Variants in ARHGEF37 observed in about 807,000 individuals in gnomAD.
ARHGEF37 encodes the protein Rho guanine nucleotide exchange factor (GEF) 37.
Under a neutral mutation model 71.1 loss-of-function variants are expected in ARHGEF37, and 55 were observed. That is an observed-to-expected ratio of 0.77 (90% confidence interval 0.62 to 0.97). ARHGEF37 has a LOEUF of 0.97. ARHGEF37 is among the 50% of genes least tolerant of loss of function. ARHGEF37 has a pLI of 0.00. For missense variants in ARHGEF37, 765 were observed against 836.8 expected, an observed-to-expected ratio of 0.91 and a Z score of 1.06; for synonymous variants, 327 against 350.6, an observed-to-expected ratio of 0.93 and a Z score of 0.75.
At chr5:149,591,806 A>C (rs1343461236) in intron 1 of ARHGEF37, among the ~76,000 whole-genome samples, 1 of 152,204 alleles carries the variant, frequency 6.6e-6, no homozygotes, top group East Asian at 1.9e-4. Context: ...TTTTTGTATT[A>C]GATGATTTTG....
At chr5:149,555,801 G>A (rs1762746337) in intron 1 of ARHGEF37, among the ~76,000 whole-genome samples, 2 of 152,016 alleles carry the variant, frequency 1.3e-5, no homozygotes, top group South Asian at 2.1e-4. Flanking sequence ...TTCTGTGTTC[G>A]TAGGGAATTC....
chr5:149,626,887 C>T (rs181697420), intron 10 of ARHGEF37, 189 bp from the exon 11 acceptor site: 28 of 447,666 alleles, frequency 6.3e-5, no homozygotes, highest in African/African-American at 3.2e-4. Flanking sequence ...TCTTCCAAAA[C>T]GCCGTAGGCT....
At chr5:149,589,420 A>G (rs11167471) in intron 1 of ARHGEF37, among the ~76,000 whole-genome samples, 94,617 of 151,896 alleles carry the variant, frequency 0.62, 31,877 homozygotes, top group East Asian at 0.99. Context: ...CTCAACTTCC[A>G]GAGTTCAAGC....
intron 1 of ARHGEF37, among the ~76,000 whole-genome samples, chr5:149,594,650 G>A (rs939584739): frequency 6.6e-6 from 1 of 152,184 alleles, no homozygotes; most frequent in Non-Finnish European, 1.5e-5. Flanking sequence ...ATGAATAGGT[G>A]CTCATCTTGC....
At chr5:149,626,972 A>G in intron 10 of ARHGEF37, 104 bp from the exon 11 acceptor site, 2 of 1,260,004 alleles carry the variant, frequency 1.6e-6, no homozygotes, top group South Asian at 3.0e-5. Context: ...CAGAGTTAGG[A>G]TCAGGCCCAG....
At chr5:149,566,636 G>T (rs1364058508) in intron 1 of ARHGEF37, among the ~76,000 whole-genome samples, 1 of 151,842 alleles carries the variant, frequency 6.6e-6, no homozygotes, top group Non-Finnish European at 1.5e-5. Context: ...TATTAAGACA[G>T]GCTAGTTAAC....
At chr5:149,579,467 A>C (rs1416638220), upstream of ARHGEF37, among the ~76,000 whole-genome samples, 1 of 152,194 alleles carries the variant, frequency 6.6e-6, no homozygotes, top group African/African-American at 2.4e-5. Flanking sequence ...AGATCACCTC[A>C]ATCAGTTTTT....
At chr5:149,575,571 T>G (rs905263164) in intron 1 of ARHGEF37, among the ~76,000 whole-genome samples, 1 of 152,178 alleles carries the variant, frequency 6.6e-6, no homozygotes, top group African/African-American at 2.4e-5. Context: ...TTCAAGGGGC[T>G]TCCTCTCTTG....
intron 1 of ARHGEF37, among the ~76,000 whole-genome samples, chr5:149,587,403 A>G (rs186744142): frequency 3.3e-5 from 5 of 152,344 alleles, no homozygotes; most frequent in Admixed American, 2.6e-4. Context: ...AGCTACTATA[A>G]TTGAGAGTTT....
chr5:149,596,339 C>T (rs1421795697), intron 1 of ARHGEF37, among the ~76,000 whole-genome samples: 1 of 152,166 alleles, frequency 6.6e-6, no homozygotes, highest in Non-Finnish European at 1.5e-5. Flanking sequence ...GAGTCTTGCT[C>T]TGTCACCCAG....
upstream of ARHGEF37, among the ~76,000 whole-genome samples, chr5:149,577,760 C>T (rs2113255580): frequency 6.6e-6 from 1 of 152,308 alleles, no homozygotes; most frequent in Non-Finnish European, 1.5e-5. Context: ...TTCCTGGCTG[C>T]CCAGCCTTCA....
At chr5:149,626,211 C>T (rs9324622) in intron 10 of ARHGEF37, among the ~76,000 whole-genome samples, 108,143 of 150,024 alleles carry the variant, frequency 0.72, 39,310 homozygotes, top group Middle Eastern at 0.87. Context: ...CAGCACCTCC[C>T]CACAAGGAGT....
In ARHGEF37 at chr5:149,622,016, A is replaced by T. The variant is rs1308925865; in HGVS notation, c.1289A>T (p.Asp430Val). The T allele has an allele frequency of 5.0e-6, 8 of 1,613,972 alleles. No individual in the cohort carries two copies. The Middle Eastern group carries it at 4.9e-4, about 100-fold the overall frequency. The change falls in exon 9 of 13, where the codon GAC becomes GTC. Residue 430 changes from aspartate to valine, a missense_variant. By Grantham distance (152) the Asp-to-Val change is radical. Around this residue, in one of 5 missense-constraint regions of ARHGEF37, gnomAD observed 390 missense variants for 407.4 expected, o/e 0.96. Transcript: ENST00000333677. ...IMCTFVTLQR[D>V]LAKQVLQRAE... ...TGCACATTCGTGACCCTCCAGAGGG[A>T]CCTTGCAAAGCAAGTGCTGCAGAGG...
Position 149,621,968 on chromosome 5 carries a change from T to A in ARHGEF37, c.1241T>A (p.Met414Lys). The part of the protein sequence containing the change: ...AELPQFNQLV[M>K]QWLGQIMCTF... ...CTCCCACAGTTTAACCAGCTGGTCATGCAGTGGCTGGGCCAGATCATGTGC... is the reference window on the plus strand; with the variant it reads ...CTCCCACAGTTTAACCAGCTGGTCAAGCAGTGGCTGGGCCAGATCATGTGC... The change falls in exon 9 of 13, where the codon ATG becomes AAG. Residue 414 changes from methionine (M) to lysine (K), a missense_variant. By Grantham distance (95) the Met-to-Lys change is moderately conservative. This residue lies in a region of ARHGEF37 where 390 missense variants were observed against 407.4 expected (regional missense o/e 0.96). Coordinates refer to ENST00000333677, the MANE Select transcript of ARHGEF37 (RefSeq NM_001001669.3). 6.2e-7 allele frequency: 1 copy of A among 1,614,210 alleles called. No homozygotes were observed.
chr5:149,568,390 G>A (rs1209247474), intron 1 of ARHGEF37, among the ~76,000 whole-genome samples: 1 of 151,996 alleles, frequency 6.6e-6, no homozygotes, highest in East Asian at 1.9e-4. Context: ...CTGTACCTCC[G>A]AAAAAGCAAA....
At chr5:149,629,637 C>T (rs890846372) in intron 12 of ARHGEF37, among the ~76,000 whole-genome samples, 2 of 152,162 alleles carry the variant, frequency 1.3e-5, no homozygotes, top group African/African-American at 2.4e-5. Context: ...ACTGGAGTGT[C>T]GTGCTGCTGG....
chr5:149,564,542 C>T (rs1036708627), intron 1 of ARHGEF37, among the ~76,000 whole-genome samples: 3 of 152,094 alleles, frequency 2.0e-5, no homozygotes, highest in Admixed American at 2.0e-4. Flanking sequence ...CAGACATCCT[C>T]GGCCGGGCGC....
In ARHGEF37 at chr5:149,619,012, C is replaced by T; in HGVS notation, c.864C>T (p.Asn288=). 2 of 1,614,142 alleles carry T rather than the reference C, an allele frequency of 1.2e-6. No homozygotes were observed. The highest frequency in any genetic ancestry group is 1.7e-6 in the Non-Finnish European group (2 of 1,180,016). The change falls in exon 7 of 13, where the codon AAC becomes AAT. Residue 288 remains asparagine, a synonymous_variant. Coordinates refer to ENST00000333677, the MANE Select transcript of ARHGEF37 (RefSeq NM_001001669.3). ...WVSLCVTELK[N]NVAAYLDNLQ... is the part of the protein sequence containing the mutation. Reference sequence around the variant, plus strand: ...CTCTGTGTGTGACTGAGCTGAAGAACAACGTGGCTGCTTACCTGGACAATC... The same window carrying T: ...CTCTGTGTGTGACTGAGCTGAAGAATAACGTGGCTGCTTACCTGGACAATC...
chr5:149,563,245 C>T (rs1213462139), intron 1 of ARHGEF37, among the ~76,000 whole-genome samples: 1 of 152,180 alleles, frequency 6.6e-6, no homozygotes, highest in Non-Finnish European at 1.5e-5. Flanking sequence ...ATTCTAAAGC[C>T]AATTGACCTA....
Sources: allele counts gnomAD v4.1 joint callset (sites outside exome capture counted in the v4.1 genomes callset), GRCh38; gene constraint gnomAD v4.1.1; regional missense constraint gnomAD v4.1.1; transcripts MANE v1.5; gene names NCBI Gene and HGNC (gene_info 2026-07-23, HGNC 2026-07-21).